The following TAFA5 variants were observed in gnomAD, a reference collection of about 807,000 sequenced individuals.
TAFA5 encodes chemokine-like protein TAFA-5.
TAFA5 carries 6 observed loss-of-function variants against 15.3 expected under a neutral mutation model. That is an observed-to-expected ratio of 0.39 (90% CI 0.21 to 0.77). The LOEUF (loss-of-function observed/expected upper bound fraction) is 0.77, where lower values mean the gene tolerates loss of function less well. TAFA5 is among the 30% of genes least tolerant of loss of function. TAFA5 has a pLI of 0.41. For synonymous variants in TAFA5, 103 were observed against 80.7 expected (o/e 1.28, Z -1.48); for missense variants, 161 against 193.1 (o/e 0.83, Z 0.98).
intron 1 of TAFA5, among the ~76,000 whole-genome samples, chr22:48,605,231 GTAA>G (rs1925126647): frequency 6.2e-3 from 84 of 13,658 alleles, no homozygotes; most frequent in Admixed American, 0.014. Context: ...GATGGTGATG[GTAA>G]TGATGGTGAT....
chr22:48,727,619 A>C (rs1212273169), intron 3 of TAFA5, among the ~76,000 whole-genome samples: 1 of 152,214 alleles, frequency 6.6e-6, no homozygotes, highest in Non-Finnish European at 1.5e-5. Flanking sequence ...GAAGACAATA[A>C]ATGTAAATGG....
At chr22:48,630,040 A>G (rs1011112878) in intron 1 of TAFA5, among the ~76,000 whole-genome samples, 4 of 152,302 alleles carry the variant, frequency 2.6e-5, no homozygotes, top group African/African-American at 9.6e-5. Flanking sequence ...AGAGAAGCCA[A>G]TCCCAGCCTG....
intron 2 of TAFA5, among the ~76,000 whole-genome samples, chr22:48,689,097 C>T (rs1173411842): frequency 2.0e-5 from 3 of 152,158 alleles, no homozygotes; most frequent in Non-Finnish European, 4.4e-5. Flanking sequence ...GTGTGGGTCC[C>T]TCCAGCCTCT....
rs1317021797 is a variant in TAFA5 at position 48,751,392 on chromosome 22, G to A, written c.*1545G>A. On this transcript the variant is annotated 3_prime_UTR_variant, in exon 4 of 4. Transcript: ENST00000402357. ...TTCTGGTTTTTCTCCCCTGGCCGTC[G>A]TTCGCCAGCCTCCTTCATTTTCCTG... is the stretch of plus-strand genomic sequence containing the variant. 6.6e-6 allele frequency: 1 copy of A among 152,404 alleles called. No individual in the cohort carries two copies. Among genetic ancestry groups the A allele is most frequent in the East Asian group, 1.9e-4 (1 of 5,174 alleles). The allele number at this position is 152,404 out of a possible 1,614,324, so 9.4% of individuals were successfully genotyped here. A position where few individuals can be genotyped will look rare whatever the true frequency, so the allele number is the denominator to read the frequency against.
chr22:48,535,081 G>C (rs1015992583), intron 1 of TAFA5, among the ~76,000 whole-genome samples: 2 of 152,110 alleles, frequency 1.3e-5, no homozygotes, highest in South Asian at 4.2e-4. Context: ...CCTCCCCAAG[G>C]CTGGGCCCTG....
chr22:48,618,044 A>T (rs1471206530), intron 1 of TAFA5, among the ~76,000 whole-genome samples: 1 of 152,192 alleles, frequency 6.6e-6, no homozygotes, highest in Non-Finnish European at 1.5e-5. Context: ...TGAACCCAGT[A>T]AGTGTGGCGC....
chr22:48,661,106 TGA>T (rs1367613622), intron 2 of TAFA5, among the ~76,000 whole-genome samples: 1 of 152,174 alleles, frequency 6.6e-6, no homozygotes, highest in Non-Finnish European at 1.5e-5. Context: ...GAGCAAATCA[TGA>T]GAGCACGTAC....
At chr22:48,713,792 C>A (rs544358921) in intron 3 of TAFA5, among the ~76,000 whole-genome samples, 1 of 152,314 alleles carries the variant, frequency 6.6e-6, no homozygotes, top group South Asian at 2.1e-4. Context: ...CCTGCAAGCT[C>A]GGAGCCTGGA....
chr22:48,700,037 C>T (rs150568764), intron 2 of TAFA5, among the ~76,000 whole-genome samples: 217 of 152,204 alleles, frequency 1.4e-3, no homozygotes, highest in African/African-American at 4.2e-3. Flanking sequence ...AGTACACGCA[C>T]ACACCATATA....
chr22:48,645,888 G>C (rs538304968), intron 1 of TAFA5, among the ~76,000 whole-genome samples: 54 of 152,310 alleles, frequency 3.5e-4, no homozygotes, highest in Middle Eastern at 6.8e-3. Flanking sequence ...CACTCCAGGG[G>C]TGTGTTGCGT....
chr22:48,658,693 T>G (rs893964633), intron 2 of TAFA5, among the ~76,000 whole-genome samples: 1 of 152,076 alleles, frequency 6.6e-6, no homozygotes, highest in Non-Finnish European at 1.5e-5. Context: ...AGCTGGAGAG[T>G]GGGGGCACTG....
At chr22:48,666,260 A>G (rs1238157571) in intron 2 of TAFA5, among the ~76,000 whole-genome samples, 2 of 152,120 alleles carry the variant, frequency 1.3e-5, no homozygotes, top group Admixed American at 1.3e-4. Flanking sequence ...AATGCCAGCT[A>G]TTATCCCAGC....
At position 48,688,189 on chromosome 22, in the gene TAFA5, C is replaced by T. The variant is rs566042568; in HGVS notation, c.263-19528C>T. Among the ~76,000 whole-genome samples, 15 of 152,014 alleles carry T rather than the reference C, an allele frequency of 9.9e-5. No individual in the cohort carries two copies. In the East Asian group the frequency reaches 2.7e-3, roughly 28 times the overall value. On this transcript the variant is annotated intron_variant, in intron 2 of 3. Transcript: ENST00000402357. ...GCACCCTTCATAAAGGGAGGCGTTTCCATTCTTGAGCGTGATGGGGACAGT... is the reference window on the plus strand; with the variant it reads ...GCACCCTTCATAAAGGGAGGCGTTTTCATTCTTGAGCGTGATGGGGACAGT...
chr22:48,499,908 A>AAC (rs1312270633), intron 1 of TAFA5, among the ~76,000 whole-genome samples: 8 of 151,960 alleles, frequency 5.3e-5, no homozygotes, highest in Non-Finnish European at 1.2e-4. Context: ...CAGCACTCCC[A>AAC]ACACACACAC....
chr22:48,570,307 T>C (rs187421819), intron 1 of TAFA5, among the ~76,000 whole-genome samples: 1 of 152,344 alleles, frequency 6.6e-6, no homozygotes, highest in Admixed American at 6.5e-5. Context: ...CATTACATTA[T>C]ATGAATGTAA....
rs1418522466 is a variant in TAFA5, at chr22:48,554,740, A to C, written c.112+65036A>C. 2.0e-5 allele frequency among the ~76,000 whole-genome samples: 3 copies of C among 152,228 alleles called. No homozygotes were observed. The East Asian group carries it at 5.8e-4, about 29-fold the overall frequency. On this transcript the variant is annotated intron_variant, in intron 1 of 3. Coordinates refer to ENST00000402357, the MANE Select transcript of TAFA5 (RefSeq NM_001082967.3). ...CCTGGGTGTCTGGAATATAATTTAA[A>C]AATTATGAAATGCTAAGATTCTCTG...
intron 1 of TAFA5, among the ~76,000 whole-genome samples, chr22:48,582,095 G>T (rs1187966041): frequency 1.3e-5 from 2 of 152,032 alleles, no homozygotes; most frequent in Non-Finnish European, 2.9e-5. Context: ...TGCCTGTCGG[G>T]GCAGGCGGCC....
chr22:48,519,078 T>G (rs1222483557), intron 1 of TAFA5, among the ~76,000 whole-genome samples: 1 of 152,206 alleles, frequency 6.6e-6, no homozygotes, highest in Non-Finnish European at 1.5e-5. Flanking sequence ...CTTCAGTGGC[T>G]GACCCCAGGC....
intron 1 of TAFA5, among the ~76,000 whole-genome samples, chr22:48,518,511 G>C (rs1223084474): frequency 3.3e-5 from 5 of 152,200 alleles, no homozygotes; most frequent in African/African-American, 1.2e-4. Context: ...GAAAACGAGG[G>C]CTCTTGTCTC....
Sources: gnomAD v4.1 joint callset for allele counts (sites outside exome capture counted in the v4.1 genomes callset) on GRCh38, gnomAD v4.1.1 for gene constraint, MANE v1.5 for transcripts, NCBI Gene and HGNC (gene_info 2026-07-23, HGNC 2026-07-21) for gene names.